KSR2: variants seen among roughly 807,000 people sequenced by gnomAD.
The protein encoded by KSR2 is kinase suppressor of ras 2.
A neutral mutation model predicts 107.8 loss-of-function variants in KSR2; 25 were observed. The observed-to-expected ratio is 0.23, with a 90% CI of 0.17 to 0.32. The LOEUF is 0.32. Among genes scored for constraint, KSR2 ranks in the 10% least tolerant of loss-of-function variants. The pLI is 1.00. For missense variants in KSR2, 887 were observed against 1,268.9 expected (o/e 0.70, Z 4.57); for synonymous variants, 480 against 507.0 (o/e 0.95, Z 0.71).
At chr12:117,739,241 G>C (rs1806294599) in intron 4 of KSR2, among the ~76,000 whole-genome samples, 1 of 152,004 alleles carries the variant, frequency 6.6e-6, no homozygotes, top group South Asian at 2.1e-4. Context: ...TGTAGTCCCA[G>C]CTACTCGGGA....
chr12:117,829,446 C>T (rs192946344), intron 3 of KSR2, among the ~76,000 whole-genome samples: 1 of 152,196 alleles, frequency 6.6e-6, no homozygotes, highest in Non-Finnish European at 1.5e-5. Flanking sequence ...TGCATCATGA[C>T]AATACCTTAA....
Position 117,728,418 on chromosome 12 carries a change from C to T in KSR2, c.986+32593G>A, listed in dbSNP as rs2136713859. 1.3e-5 allele frequency among the ~76,000 whole-genome samples: 2 copies of T among 152,328 alleles called. 1 individual carries two copies. The highest frequency in any genetic ancestry group is 1.3e-4 in the Admixed American group (2 of 15,294). ...AAGCTCACAAATTCTTCACCGGAGTCCAAGTTTGCAGAGATGCTCAAAGCA... is the reference window on the plus strand; with the variant it reads ...AAGCTCACAAATTCTTCACCGGAGTTCAAGTTTGCAGAGATGCTCAAAGCA... On this transcript the variant is annotated intron_variant, in intron 4 of 19. Coordinates refer to ENST00000339824, the MANE Select transcript of KSR2 (RefSeq NM_173598.6).
At chr12:117,699,507 A>C (rs1361242559) in intron 4 of KSR2, among the ~76,000 whole-genome samples, 3 of 152,248 alleles carry the variant, frequency 2.0e-5, no homozygotes, top group African/African-American at 7.2e-5. Flanking sequence ...CAGGCTACAA[A>C]TCAGTACAGC....
At chr12:117,608,904 G>A (rs187032466) in intron 5 of KSR2, among the ~76,000 whole-genome samples, 140 of 152,142 alleles carry the variant, frequency 9.2e-4, no homozygotes, top group Admixed American at 2.7e-3. Context: ...GTACACAGTT[G>A]GGGGGTAATA....
rs564749749 is a variant in KSR2, at chr12:117,681,303, G to A, written c.987-13645C>T. ...ATACATAAATAAATGACAATAATAAGAGCTTCTACATAGAGAATTAAAATC... is the reference window on the plus strand; with the variant it reads ...ATACATAAATAAATGACAATAATAAAAGCTTCTACATAGAGAATTAAAATC... On this transcript the variant is annotated intron_variant, in intron 4 of 19. Transcript: ENST00000339824. Among the ~76,000 whole-genome samples, 121 of 152,108 alleles carry A rather than the reference G, an allele frequency of 8.0e-4. 1 individual carries two copies. The highest frequency in any genetic ancestry group is 2.5e-3 in the South Asian group (12 of 4,820).
intron 1 of KSR2, among the ~76,000 whole-genome samples, chr12:117,900,807 G>C (rs1894658099): frequency 6.6e-6 from 1 of 152,176 alleles, no homozygotes; most frequent in Non-Finnish European, 1.5e-5. Flanking sequence ...CAAAAAGCAA[G>C]CATGACGTGT....
At chr12:117,906,353 C>CAAAAAA (rs57733205) in intron 1 of KSR2, among the ~76,000 whole-genome samples, 1 of 58,236 alleles carries the variant, frequency 1.7e-5, no homozygotes, top group Non-Finnish European at 3.3e-5. Flanking sequence ...AACTCTGTCT[C>CAAAAAA]AAAAAAAAAA....
At chr12:117,926,159 T>C (rs1203813112) in intron 1 of KSR2, among the ~76,000 whole-genome samples, 1 of 152,120 alleles carries the variant, frequency 6.6e-6, no homozygotes, top group East Asian at 1.9e-4. Flanking sequence ...TTCACGCCCC[T>C]GCAATTCCAG....
Position 117,463,977 on chromosome 12 carries a change from T to TG in KSR2, c.*3221dup, listed in dbSNP as rs57278614. ...TGGAGACAAGTGGATGGGGTGAGGA[T>TG]GGGGGGGTCCATGGCAAGATGAAAA... On this transcript the variant is annotated 3_prime_UTR_variant, in exon 20 of 20. Transcript: ENST00000339824. The TG allele has an allele frequency of 1.2e-4, 18 of 151,242 alleles. No homozygotes were observed. The highest frequency in any genetic ancestry group is 2.1e-4 in the South Asian group (1 of 4,750). The allele number at this position is 151,242 out of a possible 1,614,324, so 9.4% of individuals were successfully genotyped here.
intron 1 of KSR2, among the ~76,000 whole-genome samples, chr12:117,936,885 G>A (rs886858462): frequency 7.2e-5 from 11 of 152,170 alleles, no homozygotes; most frequent in Non-Finnish European, 2.9e-5. Flanking sequence ...GCTGACCCAG[G>A]AAAAAGGAAA....
intron 14 of KSR2, among the ~76,000 whole-genome samples, chr12:117,506,582 C>A (rs971682206): frequency 2.6e-5 from 4 of 152,198 alleles, no homozygotes; most frequent in Admixed American, 1.3e-4. Context: ...TTCCTCCCAG[C>A]ATAGCTGCCA....
chr12:117,754,274 C>T (rs1370604371), intron 4 of KSR2, among the ~76,000 whole-genome samples: 1 of 151,932 alleles, frequency 6.6e-6, no homozygotes, highest in Non-Finnish European at 1.5e-5. Flanking sequence ...AGGAGGAAAA[C>T]CCAAACAGAT....
chr12:117,762,630 C>T (rs1375110656), intron 3 of KSR2, among the ~76,000 whole-genome samples: 1 of 152,040 alleles, frequency 6.6e-6, no homozygotes, highest in Non-Finnish European at 1.5e-5. Flanking sequence ...ATTGGGAGGC[C>T]GAGATGGGCA....
At chr12:117,508,306 C>T (rs1003777973) in intron 14 of KSR2, among the ~76,000 whole-genome samples, 1 of 152,146 alleles carries the variant, frequency 6.6e-6, no homozygotes, top group Non-Finnish European at 1.5e-5. Context: ...CTCAAGGAGT[C>T]GGCTTTAATT....
intron 10 of KSR2, among the ~76,000 whole-genome samples, chr12:117,537,529 G>A (rs899308787): frequency 6.6e-6 from 1 of 152,166 alleles, no homozygotes; most frequent in Non-Finnish European, 1.5e-5. Context: ...TCTAAGGTGG[G>A]TACTATTATG....
chr12:117,634,495 T>G (rs1347180082), intron 5 of KSR2, among the ~76,000 whole-genome samples: 1 of 151,868 alleles, frequency 6.6e-6, no homozygotes, highest in African/African-American at 2.4e-5. Context: ...AGAAGAAAAT[T>G]CACTCCAAGC....
chr12:117,555,132 C>T (rs770319405), intron 9 of KSR2, 37 bp downstream of exon 9: 39 of 1,612,854 alleles, frequency 2.4e-5, no homozygotes, highest in Non-Finnish European at 3.3e-5. Context: ...GCAGTGCCAG[C>T]CCCACATGCC....
intron 5 of KSR2, among the ~76,000 whole-genome samples, chr12:117,647,990 T>TAAACCACC (rs962875063): frequency 6.6e-6 from 1 of 152,108 alleles, no homozygotes; most frequent in African/African-American, 2.4e-5. Context: ...ATTACAGATG[T>TAAACCACC]AAACCACCAC....
Position 117,484,429 on chromosome 12 carries a change from G to A in KSR2, c.2437C>T (p.Leu813=), listed in dbSNP as rs1185134129. The A allele has an allele frequency of 1.2e-6, 2 of 1,613,812 alleles. No homozygotes were observed. Among genetic ancestry groups the A allele is most frequent in the African/African-American group, 2.7e-5 (2 of 74,948 alleles). Residue 813 remains leucine, a synonymous_variant, in exon 16 of 20, where the codon CTG becomes TTG. Transcript: ENST00000339824. Reference sequence around the variant, plus strand: ...ACTGCCTCTCACCTGCCAGCCTGCAGCACCCCAGAAATGCTGAAGAGTCCA... The same window carrying A: ...ACTGCCTCTCACCTGCCAGCCTGCAACACCCCAGAAATGCTGAAGAGTCCA... ...DFGLFSISGV[L]QAGRREDKLR...
Sources: gnomAD v4.1 joint callset for allele counts (sites outside exome capture counted in the v4.1 genomes callset) on GRCh38, gnomAD v4.1.1 for gene constraint, MANE v1.5 for transcripts, NCBI Gene and HGNC (gene_info 2026-07-23, HGNC 2026-07-21) for gene names.